Variants in CHN1 observed in about 807,000 individuals in gnomAD.
CHN1 encodes the protein chimerin 1.
Under a neutral mutation model 59.5 loss-of-function variants are expected in CHN1, and 37 were observed. The ratio of observed to expected loss-of-function variants is 0.62; its 90% CI spans 0.48 to 0.82. The LOEUF (loss-of-function observed/expected upper bound fraction) is 0.82, where lower values mean the gene tolerates loss of function less well. Among genes scored for constraint, CHN1 ranks in the 40% least tolerant of loss-of-function variants. The pLI, the probability that CHN1 is intolerant of heterozygous loss-of-function variation, is 0.00. For synonymous variants in CHN1, 206 were observed against 200.4 expected (o/e 1.03, Z -0.24); for missense variants, 469 against 571.0 (o/e 0.82, Z 1.82).
At chr2:175,001,138 TA>T (rs1691876574) in intron 1 of CHN1, among the ~76,000 whole-genome samples, 2 of 152,154 alleles carry the variant, frequency 1.3e-5, no homozygotes, top group Non-Finnish European at 2.9e-5. Flanking sequence ...AAAATTTAAA[TA>T]AGGATGATGA....
rs1689391850 is a variant in CHN1, at chr2:174,932,915, G to C, written c.114+11973C>G. Among the ~76,000 whole-genome samples the C allele has an allele frequency of 2.0e-5, 3 of 152,126 alleles. No individual in the cohort carries two copies. In the South Asian group the frequency reaches 6.2e-4, roughly 32 times the overall value. On this transcript the variant is annotated intron_variant, in intron 3 of 12. Transcript: ENST00000409900. ...TTTCTCTATGTATTACCCAGTCTCA[G>C]GCATTTCTTTATAGCAATGTGAGAA...
chr2:174,907,617 T>G (rs912237420), intron 5 of CHN1, among the ~76,000 whole-genome samples: 2 of 151,324 alleles, frequency 1.3e-5, no homozygotes, highest in Admixed American at 6.6e-5. Flanking sequence ...CTTTTGGTTT[T>G]TTTTTTTTTT....
At chr2:174,841,914 T>C (rs542463163) in intron 7 of CHN1, among the ~76,000 whole-genome samples, 238 of 152,306 alleles carry the variant, frequency 1.6e-3, no homozygotes, top group African/African-American at 5.3e-3. Flanking sequence ...TTCAAATTCC[T>C]GAGCATTTAA....
chr2:174,831,157 AT>A (rs1274914511), intron 7 of CHN1, among the ~76,000 whole-genome samples: 1 of 152,232 alleles, frequency 6.6e-6, no homozygotes, highest in Non-Finnish European at 1.5e-5. Context: ...GTTTATGTTA[AT>A]TGGTATACAA....
At chr2:174,852,904 C>A (rs1047425135) in intron 6 of CHN1, among the ~76,000 whole-genome samples, 2 of 152,086 alleles carry the variant, frequency 1.3e-5, no homozygotes, top group African/African-American at 4.8e-5. Flanking sequence ...TAGTCATATG[C>A]AGAAGAATGA....
chr2:174,950,156 GAGGATCACTTGAGCCCAGGGGGTCA>G (rs1261735956), intron 2 of CHN1, among the ~76,000 whole-genome samples: 1 of 152,074 alleles, frequency 6.6e-6, no homozygotes, highest in Admixed American at 6.5e-5. Context: ...GTTGAAGTGG[GAGGATCACTTGAGCCCAGGGGGTCA>G]AGGCTGTAGC....
At chr2:174,876,127 G>A (rs558231328) in intron 6 of CHN1, among the ~76,000 whole-genome samples, 1 of 152,252 alleles carries the variant, frequency 6.6e-6, no homozygotes. Context: ...GGGTGTTCTA[G>A]GTATCTACCT....
At chr2:174,955,200 AATT>A (rs1293355278) in intron 1 of CHN1, among the ~76,000 whole-genome samples, 2 of 41,278 alleles carry the variant, frequency 4.8e-5, no homozygotes, top group Admixed American at 3.1e-4. Flanking sequence ...ATATATATAT[AATT>A]GATATATATA....
intron 5 of CHN1, among the ~76,000 whole-genome samples, chr2:174,897,821 A>G (rs945386783): frequency 6.6e-6 from 1 of 152,194 alleles, no homozygotes; most frequent in African/African-American, 2.4e-5. Context: ...ATTAATAAAA[A>G]AAGGCCTGTG....
At chr2:174,846,785 T>C in intron 7 of CHN1, 95 bp downstream of exon 7, 1 of 1,212,652 alleles carries the variant, frequency 8.2e-7, no homozygotes, top group Non-Finnish European at 1.1e-6. Flanking sequence ...TTTAGTCAAG[T>C]CATCCTAGTT....
intron 6 of CHN1, among the ~76,000 whole-genome samples, chr2:174,860,505 A>C (rs1687036624): frequency 1.3e-5 from 2 of 152,188 alleles, no homozygotes; most frequent in Admixed American, 1.3e-4. Context: ...CAAAGTATAT[A>C]TGTACAATAC....
At chr2:174,807,446 CTGTGTGTGTGTGTGTGTGTGTG>C (rs71031071) in intron 11 of CHN1, among the ~76,000 whole-genome samples, 1,044 of 83,844 alleles carry the variant, frequency 0.012, 15 homozygotes, top group African/African-American at 0.033. Flanking sequence ...CACGGGCTAT[CTGTGTGTGTGTGTGTGTGTGTG>C]TGTGTGTGTG....
chr2:174,981,519 C>G (rs942174185), intron 1 of CHN1, among the ~76,000 whole-genome samples: 6 of 152,176 alleles, frequency 3.9e-5, no homozygotes, highest in Non-Finnish European at 1.5e-5. Flanking sequence ...CTATTGCATT[C>G]CTACTAAAGA....
intron 10 of CHN1, among the ~76,000 whole-genome samples, chr2:174,809,990 G>T (rs1685021634): frequency 1.3e-5 from 2 of 152,160 alleles, no homozygotes; most frequent in African/African-American, 4.8e-5. Context: ...AGCTGGGGAA[G>T]ATTTCCCCAA....
intron 1 of CHN1, among the ~76,000 whole-genome samples, chr2:175,002,677 G>T (rs1034331971): frequency 3.3e-5 from 5 of 152,066 alleles, no homozygotes; most frequent in African/African-American, 9.7e-5. Flanking sequence ...CAAAAGATAG[G>T]GCCCTGGCAG....
rs776605185 is a variant in CHN1 at position 174,800,251 on chromosome 2, T to C, written c.1245A>G (p.Ala415=). ...GTCCAAAGACGATTCCAAGGTTCTCTGCATTCATAAGATTCTCCTTTTCGT... is the reference window on the plus strand; with the variant it reads ...GTCCAAAGACGATTCCAAGGTTCTCCGCATTCATAAGATTCTCCTTTTCGT... The part of the protein sequence containing the change: ...TLHEKENLMN[A]ENLGIVFGPT... The change falls in exon 13 of 13, where the codon GCA becomes GCG. Residue 415 remains alanine, a synonymous_variant. Coordinates refer to ENST00000409900, the MANE Select transcript of CHN1 (RefSeq NM_001822.7). 1 of 1,455,294 alleles carries C rather than the reference T, an allele frequency of 6.9e-7. No individual in the cohort carries two copies. The highest frequency in any genetic ancestry group is 2.5e-5 in the Admixed American group (1 of 40,042). 90.1% of individuals were successfully genotyped at this position (1,455,294 alleles called of 1,614,324 possible). A position where few individuals can be genotyped will look rare whatever the true frequency, so the allele number is the denominator to read the frequency against.
intron 11 of CHN1, 112 bp downstream of exon 11, chr2:174,808,793 G>A (rs530195539): frequency 2.2e-5 from 25 of 1,134,142 alleles, no homozygotes; most frequent in South Asian, 2.2e-4. Context: ...ACCATAGAGA[G>A]AGGCAAAGGG....
chr2:174,901,280 T>C (rs145717901), intron 5 of CHN1, among the ~76,000 whole-genome samples: 2 of 152,318 alleles, frequency 1.3e-5, no homozygotes, highest in South Asian at 4.1e-4. Context: ...AGTTCAGAGA[T>C]GTGCACTGCA....
intron 7 of CHN1, among the ~76,000 whole-genome samples, chr2:174,833,986 A>C (rs1009752250): frequency 2.6e-5 from 4 of 151,982 alleles, no homozygotes; most frequent in African/African-American, 4.8e-5. Context: ...TTCTTTTCTA[A>C]ATAGAGATGG....
Sources: allele counts gnomAD v4.1 joint callset (sites outside exome capture counted in the v4.1 genomes callset), GRCh38; gene constraint gnomAD v4.1.1; transcripts MANE v1.5; gene names NCBI Gene and HGNC (gene_info 2026-07-23, HGNC 2026-07-21).